Variants in CLECL1 observed in about 807,000 individuals in gnomAD.
The protein encoded by CLECL1 is C-type lectin like 1, also known as C-type lectin-like domain family 1.
chr12:9,715,200 C>T (rs1866225545), downstream of CLECL1, among the ~76,000 whole-genome samples: 1 of 152,188 alleles, frequency 6.6e-6, no homozygotes, highest in Admixed American at 6.5e-5. Context: ...TGATTCTTGA[C>T]AGATGTACTT....
At chr12:9,702,594 TTTCC>T in the CLECL1 span, among the ~76,000 whole-genome samples, 1 of 152,156 alleles carries the variant, frequency 6.6e-6, no homozygotes, top group Non-Finnish European at 1.5e-5. Context: ...CTGCCCAGTA[TTTCC>T]CTGCTTCCCA....
At chr12:9,733,456 C>G (rs1454361794), upstream of CLECL1, among the ~76,000 whole-genome samples, 1 of 152,188 alleles carries the variant, frequency 6.6e-6, no homozygotes, top group East Asian at 1.9e-4. Flanking sequence ...ATTTGGGAAA[C>G]AGAACAAGAA....
At chr12:9,722,845 A>T in intron 3 of CLECL1, 32 bp from the exon 2 acceptor site, 1 of 1,514,096 alleles carries the variant, frequency 6.6e-7, no homozygotes, top group Non-Finnish European at 9.1e-7. Flanking sequence ...AATTAAAATC[A>T]ATGTAAAACT....
At chr12:9,720,387 G>A (rs914479739), downstream of CLECL1, among the ~76,000 whole-genome samples, 1 of 150,482 alleles carries the variant, frequency 6.6e-6, no homozygotes, top group Non-Finnish European at 1.5e-5. Flanking sequence ...TGTTGCCCAG[G>A]CTGGAGTGCG....
chr12:9,732,854 C>T (rs890078433), intron 1 of CLECL1, 95 bp downstream of exon 1: 106 of 1,040,828 alleles, frequency 1.0e-4, no homozygotes, highest in Middle Eastern at 6.5e-4. Flanking sequence ...AATCCAATCT[C>T]CTCTTTTCAG....
At chr12:9,711,580 A>G (rs1326661009), downstream of CLECL1, among the ~76,000 whole-genome samples, 1 of 151,476 alleles carries the variant, frequency 6.6e-6, no homozygotes, top group East Asian at 1.9e-4. Context: ...CACATACTTG[A>G]TTGCTTCCTC....
downstream of CLECL1, among the ~76,000 whole-genome samples, chr12:9,722,313 G>GCT (rs1160139627): frequency 6.6e-6 from 1 of 152,032 alleles, no homozygotes; most frequent in Admixed American, 6.5e-5. Context: ...GTGATACCTG[G>GCT]CTACAGCCTT....
chr12:9,730,245 G>A (rs1055863138), intron 1 of CLECL1, among the ~76,000 whole-genome samples: 3 of 151,852 alleles, frequency 2.0e-5, no homozygotes, highest in Admixed American at 2.0e-4. Context: ...TGCTGCCTTC[G>A]GTATCCACAC....
intron 2 of CLECL1, among the ~76,000 whole-genome samples, chr12:9,717,353 C>A (rs1325467937): frequency 6.6e-6 from 1 of 152,156 alleles, no homozygotes; most frequent in Non-Finnish European, 1.5e-5. Flanking sequence ...AGAGAGACAA[C>A]CTACTGCATA....
At chr12:9,726,585 C>T (rs902760006) in intron 3 of CLECL1, among the ~76,000 whole-genome samples, 4 of 151,898 alleles carry the variant, frequency 2.6e-5, no homozygotes, top group Admixed American at 2.0e-4. Flanking sequence ...TTGAATAGAT[C>T]AACTACGTTT....
chr12:9,714,044 A>G (rs761338367), downstream of CLECL1, among the ~76,000 whole-genome samples: 3 of 152,240 alleles, frequency 2.0e-5, no homozygotes, highest in Non-Finnish European at 4.4e-5. Flanking sequence ...TCGAGAGCCA[A>G]TCTATTTGAT....
downstream of CLECL1, among the ~76,000 whole-genome samples, chr12:9,721,946 C>T: frequency 6.6e-6 from 1 of 151,988 alleles, no homozygotes; most frequent in East Asian, 1.9e-4. Flanking sequence ...GGACTTTTTC[C>T]CTCAGATGTC....
At chr12:9,707,299 A>T in the CLECL1 span, among the ~76,000 whole-genome samples, 3 of 152,256 alleles carry the variant, frequency 2.0e-5, no homozygotes, top group East Asian at 5.8e-4. Flanking sequence ...TCTAAAAATT[A>T]TGAAGGATAA....
chr12:9,717,175 C>T (rs1013256283), intron 2 of CLECL1, among the ~76,000 whole-genome samples: 7 of 152,152 alleles, frequency 4.6e-5, no homozygotes, highest in Non-Finnish European at 1.0e-4. Flanking sequence ...CTTTGGGAGG[C>T]GGAGGCGGGC....
At chr12:9,731,202 T>C (rs141196861) in intron 1 of CLECL1, among the ~76,000 whole-genome samples, 1 of 152,370 alleles carries the variant, frequency 6.6e-6, no homozygotes, top group Non-Finnish European at 1.5e-5. Flanking sequence ...GACATTCCTT[T>C]ATGCTTTACA....
chr12:9,720,944 T>C (rs1866302905), downstream of CLECL1, among the ~76,000 whole-genome samples: 1 of 152,246 alleles, frequency 6.6e-6, no homozygotes, highest in African/African-American at 2.4e-5. Flanking sequence ...CATGTGCCTG[T>C]CACCATAGAT....
chr12:9,716,678 A>C, exon 3 of CLECL1: 1 of 715,266 alleles, frequency 1.4e-6, no homozygotes, highest in South Asian at 2.1e-5. Flanking sequence ...TCTTCCTAAG[A>C]AGACCCCAGA....
At chr12:9,727,642 G>T (rs1413763330) in exon 3 of CLECL1, among the ~76,000 whole-genome samples, 1 of 151,730 alleles carries the variant, frequency 6.6e-6, no homozygotes, top group African/African-American at 2.4e-5. Context: ...TTTAGTATTG[G>T]ATAATGAATA....
chr12:9,732,419 G>A lies in CLECL1; in HGVS notation n.82+530C>T, dbSNP rs61913427. 4.6e-3 allele frequency among the ~76,000 whole-genome samples: 696 copies of A among 152,244 alleles called. 3 individuals carry two copies. Among genetic ancestry groups the A allele is most frequent in the Non-Finnish European group, 7.0e-3 (478 of 67,998 alleles). On this transcript the variant is annotated intron_variant and non_coding_transcript_variant, in intron 1 of 3. Coordinates refer to ENST00000621400, the Ensembl canonical transcript of CLECL1. ...TGTTAAGTTTAGGCATATGCTTATC[G>A]CCTCTGATTCCAGAAATATTCAATT... is the stretch of plus-strand genomic sequence containing the variant.
Sources: gnomAD v4.1 joint callset for allele counts (sites outside exome capture counted in the v4.1 genomes callset) on GRCh38, gnomAD v4.1.1 for gene constraint, MANE v1.5 for transcripts, NCBI Gene and HGNC (gene_info 2026-07-23, HGNC 2026-07-21) for gene names.